Variants in ZNF385B observed in about 807,000 individuals in gnomAD.
ZNF385B encodes the protein zinc finger protein 533.
In ZNF385B, 23 loss-of-function variants were observed where a neutral mutation model predicts 39.2. The ratio of observed to expected loss-of-function variants is 0.59; its 90% CI spans 0.42 to 0.83. ZNF385B has a LOEUF of 0.83. ZNF385B is among the 40% of genes least tolerant of loss of function. ZNF385B has a pLI of 0.00. For synonymous variants in ZNF385B, 205 were observed against 222.6 expected (o/e 0.92, Z 0.70); for missense variants, 552 against 598.9 (o/e 0.92, Z 0.82).
intron 1 of ZNF385B, among the ~76,000 whole-genome samples, chr2:179,821,283 T>C (rs112739026): frequency 2.0e-5 from 3 of 152,288 alleles, no homozygotes; most frequent in African/African-American, 7.2e-5. Context: ...GTTGAAAAGA[T>C]CTTTGTGAGT....
chr2:179,857,259 T>A (rs781303059), intron 1 of ZNF385B, among the ~76,000 whole-genome samples: 1 of 152,222 alleles, frequency 6.6e-6, no homozygotes, highest in South Asian at 2.1e-4. Context: ...TCCTATGATA[T>A]GGCAGGCCCT....
chr2:179,483,500 C>A, intron 5 of ZNF385B, 66 bp from the exon 6 acceptor site: 1 of 1,597,438 alleles, frequency 6.3e-7, no homozygotes, highest in South Asian at 1.1e-5. Context: ...GATGATCATG[C>A]AGGAGAAAAA....
At chr2:179,497,702 GGAGT>G (rs2056369924) in intron 5 of ZNF385B, among the ~76,000 whole-genome samples, 1 of 151,988 alleles carries the variant, frequency 6.6e-6, no homozygotes, top group African/African-American at 2.4e-5. Context: ...AAAAATGGCA[GGAGT>G]AAGTCCTTAC....
chr2:179,476,532 AAC>A (rs1476094688), intron 6 of ZNF385B, among the ~76,000 whole-genome samples: 1 of 152,208 alleles, frequency 6.6e-6, no homozygotes, highest in African/African-American at 2.4e-5. Flanking sequence ...TTCTTAGACC[AAC>A]ACTAAAAAAT....
intron 3 of ZNF385B, among the ~76,000 whole-genome samples, chr2:179,747,333 T>C (rs753589824): frequency 7.9e-5 from 12 of 152,138 alleles, no homozygotes; most frequent in Non-Finnish European, 1.3e-4. Flanking sequence ...AGACACACGA[T>C]TGGATATGCA....
chr2:179,743,089 A>C (rs1470626440), intron 3 of ZNF385B, among the ~76,000 whole-genome samples: 1 of 152,064 alleles, frequency 6.6e-6, no homozygotes, highest in Non-Finnish European at 1.5e-5. Context: ...ACATTCTAAA[A>C]CTTTTTTAAA....
chr2:179,481,647 G>A (rs1357724706), intron 6 of ZNF385B, among the ~76,000 whole-genome samples: 1 of 152,156 alleles, frequency 6.6e-6, no homozygotes, highest in Non-Finnish European at 1.5e-5. Flanking sequence ...TTAGCTGAAA[G>A]AATAGAGTGG....
chr2:179,587,466 T>A (rs1687180806), intron 3 of ZNF385B, among the ~76,000 whole-genome samples: 1 of 152,218 alleles, frequency 6.6e-6, no homozygotes, highest in African/African-American at 2.4e-5. Flanking sequence ...TTTTCGTTCA[T>A]GACCACAGTA....
chr2:179,556,467 T>A (rs2060913477), intron 3 of ZNF385B, among the ~76,000 whole-genome samples: 1 of 149,818 alleles, frequency 6.7e-6, no homozygotes, highest in South Asian at 2.1e-4. Context: ...TAACAAATGC[T>A]TTCTCAAGTT....
Position 179,700,130 on chromosome 2 carries a change from T to C in ZNF385B, c.298+69373A>G, listed in dbSNP as rs574777795. Among the ~76,000 whole-genome samples, 4 of 151,286 alleles carry C rather than the reference T, an allele frequency of 2.6e-5. No individual in the cohort carries two copies. The East Asian group carries it at 7.8e-4, about 29-fold the overall frequency. ...AGTTACCATTTTCATCAAAAAAGCC[T>C]CCAAAAAGCACCTTATGCAAATGAC... On this transcript the variant is annotated intron_variant, in intron 3 of 9. Coordinates refer to ENST00000410066, the MANE Select transcript of ZNF385B (RefSeq NM_152520.6).
chr2:179,544,771 A>G, intron 4 of ZNF385B, 56 bp downstream of exon 4: 2 of 1,605,734 alleles, frequency 1.2e-6, no homozygotes, highest in South Asian at 1.1e-5. Context: ...ACTATTCACA[A>G]ATGTAATGAA....
At chr2:179,525,120 G>C (rs1408385074) in intron 4 of ZNF385B, among the ~76,000 whole-genome samples, 1 of 152,050 alleles carries the variant, frequency 6.6e-6, no homozygotes, top group Non-Finnish European at 1.5e-5. Flanking sequence ...ACACAGGTAG[G>C]AATCTCCCCC....
intron 1 of ZNF385B, among the ~76,000 whole-genome samples, chr2:179,845,889 G>A (rs1289993701): frequency 6.6e-6 from 1 of 152,054 alleles, no homozygotes; most frequent in African/African-American, 2.4e-5. Context: ...TTAATTATCG[G>A]GACACTATTA....
At chr2:179,520,069 T>C (rs950469632) in intron 4 of ZNF385B, among the ~76,000 whole-genome samples, 2 of 152,106 alleles carry the variant, frequency 1.3e-5, no homozygotes, top group Non-Finnish European at 2.9e-5. Flanking sequence ...CAGGGGCTTA[T>C]GCCTATAATC....
intron 6 of ZNF385B, among the ~76,000 whole-genome samples, chr2:179,478,074 G>A (rs1487024146): frequency 2.0e-5 from 3 of 152,140 alleles, no homozygotes; most frequent in Non-Finnish European, 2.9e-5. Context: ...TGAAACAAGC[G>A]TGAAACAAGA....
At chr2:179,694,822 C>T (rs987250911) in intron 3 of ZNF385B, among the ~76,000 whole-genome samples, 6 of 151,940 alleles carry the variant, frequency 3.9e-5, no homozygotes, top group Non-Finnish European at 2.9e-5. Flanking sequence ...CCCAGCTACT[C>T]GGGAGGCTGA....
chr2:179,721,370 G>T (rs1441748348), intron 3 of ZNF385B, among the ~76,000 whole-genome samples: 1 of 152,058 alleles, frequency 6.6e-6, no homozygotes, highest in Non-Finnish European at 1.5e-5. Context: ...ATTTATGTAA[G>T]ATTGGTTATA....
intron 3 of ZNF385B, among the ~76,000 whole-genome samples, chr2:179,615,497 A>C (rs2106146182): frequency 6.6e-6 from 1 of 152,342 alleles, no homozygotes; most frequent in South Asian, 2.1e-4. Flanking sequence ...TAATGTTTGA[A>C]AACTACTTCT....
intron 3 of ZNF385B, among the ~76,000 whole-genome samples, chr2:179,567,802 T>C (rs7579911): frequency 0.39 from 58,938 of 152,036 alleles, 12,015 homozygotes; most frequent in Middle Eastern, 0.45. Context: ...TTGTCTCCAA[T>C]TCCAACATAG....
Sources: allele counts gnomAD v4.1 joint callset (sites outside exome capture counted in the v4.1 genomes callset), GRCh38; gene constraint gnomAD v4.1.1; transcripts MANE v1.5; gene names NCBI Gene and HGNC (gene_info 2026-07-23, HGNC 2026-07-21).